Variants in GGT5 observed in about 807,000 individuals in gnomAD.
GGT5 encodes gamma-glutamyltransferase 5.
In GGT5, 50 loss-of-function variants were observed where a neutral mutation model predicts 58.1. The observed-to-expected ratio is 0.86, with a 90% CI of 0.69 to 1.09. GGT5 has a LOEUF of 1.09. Ranked by LOEUF, GGT5 falls within the 50% of genes least tolerant of loss-of-function variation. The pLI, the probability that GGT5 is intolerant of heterozygous loss-of-function variation, is 0.00. For missense variants in GGT5, 800 were observed against 789.4 expected (o/e 1.01, Z -0.16); for synonymous variants, 370 against 346.1 (o/e 1.07, Z -0.77).
rs200511850 is a variant in GGT5 at position 24,232,908 on chromosome 22, G to A, written c.511C>T (p.Arg171Ter). ...ACAGGGGCCACCACATGCCCCCCTC[G>A]GAGCAGCGCGATGGTGGGCTGGAAC... Reference protein sequence around the residue: ...QLFQPTIALLRGGHVVAPVLS... With the variant: ...QLFQPTIALL The change falls in exon 4 of 12, where the codon CGA (arginine) becomes TGA (stop). Residue 171 changes from arginine (R) to a stop codon, truncating the protein, a stop_gained. Coordinates refer to ENST00000327365, the MANE Select transcript of GGT5 (RefSeq NM_004121.5). LOFTEE classifies it high-confidence loss of function. 22 of 1,581,534 alleles carry A rather than the reference G, an allele frequency of 1.4e-5. No individual in the cohort carries two copies. The South Asian group carries it at 1.7e-4, about 12-fold the overall frequency.
chr22:24,229,247 T>C (rs1368140650), intron 6 of GGT5, among the ~76,000 whole-genome samples: 1 of 143,034 alleles, frequency 7.0e-6, no homozygotes, highest in East Asian at 2.1e-4. Flanking sequence ...TTACTAATAA[T>C]ACAAAAAAAA....
At chr22:24,228,453 G>T (rs1394596948) in intron 6 of GGT5, among the ~76,000 whole-genome samples, 1 of 136,988 alleles carries the variant, frequency 7.3e-6, no homozygotes, top group Non-Finnish European at 1.6e-5. Flanking sequence ...TTTCAAAACA[G>T]TTTTTTTTTT....
chr22:24,234,825 A>G (rs2048050408), intron 1 of GGT5, among the ~76,000 whole-genome samples: 1 of 151,258 alleles, frequency 6.6e-6, no homozygotes, highest in African/African-American at 2.4e-5. Flanking sequence ...CTCAAAAAAG[A>G]AAAAAAAAGA....
chr22:24,230,689 C>T (rs921999221), intron 6 of GGT5, among the ~76,000 whole-genome samples: 2 of 152,088 alleles, frequency 1.3e-5, no homozygotes, highest in Non-Finnish European at 2.9e-5. Context: ...CTTCCTTCAC[C>T]TCCCTGAATA....
At chr22:24,241,905 C>T (rs1363159393) in intron 1 of GGT5, 1 of 151,276 alleles carries the variant, frequency 6.6e-6, no homozygotes, top group African/African-American at 2.4e-5. Context: ...CAACCTTTGC[C>T]TCCTGGGTTC....
chr22:24,223,157 TTTGGGAGG>T (rs1381186372), intron 11 of GGT5, among the ~76,000 whole-genome samples: 1 of 151,862 alleles, frequency 6.6e-6, no homozygotes, highest in Non-Finnish European at 1.5e-5. Context: ...AGCCCAGCAC[TTTGGGAGG>T]CCAAGGTGGA....
chr22:24,237,386 C>T (rs781448866), intron 1 of GGT5, among the ~76,000 whole-genome samples: 1 of 150,454 alleles, frequency 6.6e-6, no homozygotes, highest in East Asian at 2.0e-4. Flanking sequence ...TTTCAGATCC[C>T]TAGGCCTCAA....
At chr22:24,244,511 G>A (rs767642372) in intron 1 of GGT5, 42 bp downstream of exon 1, 2 of 1,558,926 alleles carry the variant, frequency 1.3e-6, no homozygotes, top group South Asian at 2.3e-5. Context: ...AGGAGGGGCT[G>A]GCTGCCAAGG....
intron 11 of GGT5, among the ~76,000 whole-genome samples, chr22:24,223,809 C>T (rs966753961): frequency 4.5e-5 from 6 of 132,562 alleles, no homozygotes; most frequent in Admixed American, 8.8e-5. Flanking sequence ...GTCACCCAGG[C>T]TGGAGTGCAA....
At position 24,226,075 on chromosome 22, in the gene GGT5, C is replaced by A. The variant is rs372682332; in HGVS notation, c.1229+1G>T. 6.3e-7 allele frequency: 1 copy of A among 1,582,298 alleles called. No homozygotes were observed. The highest frequency in any genetic ancestry group is 2.3e-5 in the East Asian group (1 of 44,224). On this transcript the variant is annotated splice_donor_variant, in intron 8 of 11. Coordinates refer to ENST00000327365, the MANE Select transcript of GGT5 (RefSeq NM_004121.5). LOFTEE classifies it high-confidence loss of function. ...TCCGCCTTCCCCCAGGCCCTACGCA[C>A]GGTGTGTTGATGGTGCTGGTGGCAG...
At chr22:24,231,260 A>C in intron 6 of GGT5, 124 bp downstream of exon 6, 1 of 642,210 alleles carries the variant, frequency 1.6e-6, no homozygotes. Context: ...GCATCTGTGA[A>C]CCCGGTTTAT....
At chr22:24,222,920 A>T (rs917925122) in intron 11 of GGT5, among the ~76,000 whole-genome samples, 1 of 152,050 alleles carries the variant, frequency 6.6e-6, no homozygotes, top group Non-Finnish European at 1.5e-5. Context: ...TACTAAAAAT[A>T]CAAAAAATTA....
intron 5 of GGT5, 128 bp downstream of exon 5, chr22:24,231,923 C>T: frequency 1.3e-6 from 1 of 769,094 alleles, no homozygotes. Flanking sequence ...GGTGCATGGC[C>T]TCTCGGGGTC....
chr22:24,228,576 A>G (rs2047846209), intron 6 of GGT5, among the ~76,000 whole-genome samples: 1 of 151,206 alleles, frequency 6.6e-6, no homozygotes, highest in Non-Finnish European at 1.5e-5. Flanking sequence ...TCAGCCTCCC[A>G]AGCAACTGGG....
chr22:24,219,976 GC>G lies in GGT5; in HGVS notation c.1754del (p.Gly585AlafsTer43), dbSNP rs761021832. The stretch of plus-strand genomic sequence containing the variant: ...CTCTGGGCAGAGCAGTGTCTTAGTA[GC>G]CTGCGGCCTCCCCACTCTTCCTCAG... ...SDLRKSGEAA[G>X]Y On this transcript the variant is annotated frameshift_variant, in exon 12 of 12. Coordinates refer to ENST00000327365, the MANE Select transcript of GGT5 (RefSeq NM_004121.5). LOFTEE classifies it high-confidence loss of function. The G allele has an allele frequency of 3.7e-6, 6 of 1,613,932 alleles. No individual in the cohort carries two copies. Among genetic ancestry groups the G allele is most frequent in the Non-Finnish European group, 5.1e-6 (6 of 1,179,944 alleles).
chr22:24,238,677 C>T (rs1166200408), intron 1 of GGT5, among the ~76,000 whole-genome samples: 1 of 120,110 alleles, frequency 8.3e-6, no homozygotes, highest in Non-Finnish European at 1.7e-5. Context: ...ATACTCCAGC[C>T]TGGGCGACAG....
intron 6 of GGT5, among the ~76,000 whole-genome samples, chr22:24,230,798 T>C (rs534966303): frequency 1.3e-5 from 2 of 152,170 alleles, no homozygotes; most frequent in South Asian, 2.1e-4. Flanking sequence ...TTTATTTAGG[T>C]CAACAAGGCA....
rs1364560290 is a variant in GGT5 at position 24,244,913 on chromosome 22, T to G, written c.-188A>C. On this transcript the variant is annotated 5_prime_UTR_variant, in exon 1 of 12. Transcript: ENST00000327365. Reference sequence around the variant, plus strand: ...CCAGATAGCTAGACAAAGAGGACAGTAAGAGAAAGATGGTCAGATAGACAA... The same window carrying G: ...CCAGATAGCTAGACAAAGAGGACAGGAAGAGAAAGATGGTCAGATAGACAA... 3 of 1,039,252 alleles carry G rather than the reference T, an allele frequency of 2.9e-6. No individual in the cohort carries two copies. In the East Asian group the frequency reaches 7.9e-5, roughly 27 times the overall value. 64.4% of individuals were successfully genotyped at this position (1,039,252 alleles called of 1,614,324 possible).
chr22:24,220,755 G>A (rs978821473), intron 11 of GGT5: 3 of 446,820 alleles, frequency 6.7e-6, no homozygotes, highest in Non-Finnish European at 1.3e-5. Context: ...AATTGGGCTG[G>A]GCGTGGTGGC....
Sources: allele counts gnomAD v4.1 joint callset (sites outside exome capture counted in the v4.1 genomes callset), GRCh38; gene constraint gnomAD v4.1.1; transcripts MANE v1.5; gene names NCBI Gene and HGNC (gene_info 2026-07-23, HGNC 2026-07-21).